Variants in SKIC3 observed in about 807,000 individuals in gnomAD.
SKIC3 encodes superkiller complex protein 3.
chr5:95,548,336 G>A, the SKIC3 span, among the ~76,000 whole-genome samples: 1 of 151,944 alleles, frequency 6.6e-6, no homozygotes, highest in Non-Finnish European at 1.5e-5. Flanking sequence ...AGAAGTATGA[G>A]ACCAAAGAAG....
chr5:95,542,336 A>G, the SKIC3 span, among the ~76,000 whole-genome samples: 1 of 152,108 alleles, frequency 6.6e-6, no homozygotes, highest in East Asian at 1.9e-4. Flanking sequence ...GTACAACTTG[A>G]TGTTTTGATA....
At chr5:95,537,075 G>A in the SKIC3 span, 2 of 1,613,590 alleles carry the variant, frequency 1.2e-6, no homozygotes, top group South Asian at 2.2e-5. Flanking sequence ...TGCCTATAAA[G>A]TACTTGGTGA....
the SKIC3 span, chr5:95,497,548 G>T: frequency 8.0e-7 from 1 of 1,251,140 alleles, no homozygotes; most frequent in Non-Finnish European, 1.2e-6. Flanking sequence ...AAATGTACAA[G>T]CAACCAACAA....
At chr5:95,519,039 C>T in the SKIC3 span, among the ~76,000 whole-genome samples, 1 of 150,454 alleles carries the variant, frequency 6.6e-6, no homozygotes, top group Non-Finnish European at 1.5e-5. Flanking sequence ...TTTTGATTTG[C>T]ATTTTCCTGA....
At chr5:95,514,956 G>C in the SKIC3 span, 1 of 1,603,432 alleles carries the variant, frequency 6.2e-7, no homozygotes. Context: ...ATTACAGCAA[G>C]TCATTTTATA....
chr5:95,529,129 A>C, the SKIC3 span: 16 of 1,607,254 alleles, frequency 1.0e-5, no homozygotes, highest in Non-Finnish European at 1.4e-5. Context: ...AATCACAAAA[A>C]ACAAGGTTTC....
At chr5:95,495,033 T>C in the SKIC3 span, 20 of 1,612,924 alleles carry the variant, frequency 1.2e-5, no homozygotes, top group Admixed American at 1.3e-4. Context: ...ACAGAAAATA[T>C]TGATGATTTA....
the SKIC3 span, chr5:95,494,540 A>G: frequency 2.4e-6 from 2 of 816,940 alleles, no homozygotes; most frequent in Non-Finnish European, 3.9e-6. Flanking sequence ...CCTGTTGTAG[A>G]AGATCTAAAT....
chr5:95,484,340 C>CTTT, the SKIC3 span, among the ~76,000 whole-genome samples: 13 of 119,902 alleles, frequency 1.1e-4, no homozygotes, highest in Non-Finnish European at 1.7e-4. Flanking sequence ...ATGCATTCCT[C>CTTT]TTTTTTTTTT....
the SKIC3 span, among the ~76,000 whole-genome samples, chr5:95,545,450 A>C: frequency 1.3e-5 from 2 of 151,992 alleles, no homozygotes; most frequent in Admixed American, 6.6e-5. Flanking sequence ...CCACTCTCCT[A>C]AATTCTTCAT....
the SKIC3 span, among the ~76,000 whole-genome samples, chr5:95,539,197 A>T: frequency 2.6e-5 from 4 of 152,236 alleles, no homozygotes; most frequent in Non-Finnish European, 4.4e-5. Flanking sequence ...CCTATTTCCA[A>T]TGTAATTCAT....
the SKIC3 span, chr5:95,543,183 C>A: frequency 1.9e-6 from 3 of 1,613,632 alleles, no homozygotes; most frequent in Middle Eastern, 1.7e-4. Context: ...TTTCTACATA[C>A]CTGCCAAGCT....
the SKIC3 span, among the ~76,000 whole-genome samples, chr5:95,539,368 C>T: frequency 2.6e-5 from 4 of 152,200 alleles, no homozygotes; most frequent in South Asian, 8.3e-4. Context: ...CACTAATGAT[C>T]AGGGAAATGC....
chr5:95,526,363 G>T, the SKIC3 span, among the ~76,000 whole-genome samples: 1 of 151,380 alleles, frequency 6.6e-6, no homozygotes, highest in South Asian at 2.1e-4. Flanking sequence ...CATGTTCCTT[G>T]GTTCCCTGTA....
At chr5:95,501,069 A>G in the SKIC3 span, among the ~76,000 whole-genome samples, 1 of 152,142 alleles carries the variant, frequency 6.6e-6, no homozygotes, top group African/African-American at 2.4e-5. Context: ...AGTCAGTGTC[A>G]TGTCTAGCAA....
chr5:95,482,055 A>T, the SKIC3 span, among the ~76,000 whole-genome samples: 5 of 152,198 alleles, frequency 3.3e-5, no homozygotes, highest in Admixed American at 1.3e-4. Flanking sequence ...TGATTCAAGC[A>T]TCAATCCTGA....
At chr5:95,527,864 T>C in the SKIC3 span, 18 of 808,966 alleles carry the variant, frequency 2.2e-5, no homozygotes, top group African/African-American at 1.7e-5. Flanking sequence ...TTCCCAAATG[T>C]ATGAATGACT....
the SKIC3 span, among the ~76,000 whole-genome samples, chr5:95,483,483 C>T: frequency 6.6e-6 from 1 of 152,162 alleles, no homozygotes. Context: ...GCTTAGTAAA[C>T]ACTTACTGTG....
the SKIC3 span, among the ~76,000 whole-genome samples, chr5:95,545,530 C>G: frequency 1.3e-5 from 2 of 152,158 alleles, no homozygotes; most frequent in Non-Finnish European, 2.9e-5. Flanking sequence ...CTTTTAACCA[C>G]ACCAAGTTCT....
Sources: allele counts gnomAD v4.1 joint callset (sites outside exome capture counted in the v4.1 genomes callset), GRCh38; gene constraint gnomAD v4.1.1; transcripts MANE v1.5; gene names NCBI Gene and HGNC (gene_info 2026-07-23, HGNC 2026-07-21).